The following MTDH variants were observed in gnomAD, a reference collection of about 807,000 sequenced individuals.
MTDH encodes the protein metadherin.
MTDH carries 34 observed loss-of-function variants against 72.7 expected under a neutral mutation model. That is an observed-to-expected ratio of 0.47 (90% CI 0.36 to 0.62). The LOEUF (loss-of-function observed/expected upper bound fraction) is 0.62. Ranked by LOEUF, MTDH falls within the 20% of genes least tolerant of loss-of-function variation. The probability of loss-of-function intolerance (pLI) is 0.00; values close to 1 mark genes in which losing one functional copy is unlikely to be tolerated. For synonymous variants in MTDH, 266 were observed against 268.9 expected (o/e 0.99, Z 0.10); for missense variants, 677 against 699.4 (o/e 0.97, Z 0.36).
chr8:97,701,449 A>G (rs981991171), intron 7 of MTDH, among the ~76,000 whole-genome samples: 1 of 152,232 alleles, frequency 6.6e-6, no homozygotes, highest in African/African-American at 2.4e-5. Context: ...TTCAGTACAG[A>G]CACAGTTCAT....
rs115695826 is a variant in MTDH at position 97,689,310 on chromosome 8, G to A, written c.811+207G>A. ...ACCCACTTCTAACGATCTTTGATATGTTCTAGTCTTTTTCCCCCATATATA... is the reference window on the plus strand; with the variant it reads ...ACCCACTTCTAACGATCTTTGATATATTCTAGTCTTTTTCCCCCATATATA... On this transcript the variant is annotated intron_variant, in intron 5 of 11. Coordinates refer to ENST00000336273, the MANE Select transcript of MTDH (RefSeq NM_178812.4). Among the ~76,000 whole-genome samples, 817 of 152,222 alleles carry A rather than the reference G, an allele frequency of 5.4e-3. 4 individuals carry two copies. The highest frequency in any genetic ancestry group is 0.017 in the African/African-American group (722 of 41,552).
At chr8:97,685,424 T>C (rs1048014210) in intron 2 of MTDH, among the ~76,000 whole-genome samples, 5 of 152,164 alleles carry the variant, frequency 3.3e-5, no homozygotes, top group African/African-American at 1.2e-4. Context: ...TGAGCATATA[T>C]GCAGGTTTTT....
intron 2 of MTDH, among the ~76,000 whole-genome samples, chr8:97,682,266 A>ATATATG (rs1554577972): frequency 3.5e-4 from 2 of 5,686 alleles, no homozygotes; most frequent in African/African-American, 1.7e-3. Flanking sequence ...ATATATATAT[A>ATATATG]TATATATATA....
intron 6 of MTDH, among the ~76,000 whole-genome samples, chr8:97,697,587 G>T (rs1265568456): frequency 6.6e-6 from 1 of 151,790 alleles, no homozygotes; most frequent in South Asian, 2.1e-4. Context: ...GTGTTTTACC[G>T]TGTTAGCCAG....
At chr8:97,684,895 A>G (rs1240937972) in intron 2 of MTDH, among the ~76,000 whole-genome samples, 1 of 152,142 alleles carries the variant, frequency 6.6e-6, no homozygotes, top group African/African-American at 2.4e-5. Context: ...GTGAAATCCC[A>G]TCTCTATTAA....
intron 6 of MTDH, among the ~76,000 whole-genome samples, chr8:97,694,730 C>G (rs1300391308): frequency 6.6e-6 from 1 of 151,922 alleles, no homozygotes; most frequent in African/African-American, 2.4e-5. Context: ...CAAGACCAGC[C>G]TGGGCAACAT....
intron 10 of MTDH, among the ~76,000 whole-genome samples, chr8:97,720,657 T>C (rs975411144): frequency 8.7e-4 from 130 of 149,698 alleles, no homozygotes; most frequent in Non-Finnish European, 1.5e-3. Context: ...TTTTTTTTTT[T>C]TTTTTTGAGA....
At chr8:97,649,498 A>C (rs563586056) in intron 1 of MTDH, among the ~76,000 whole-genome samples, 2 of 152,322 alleles carry the variant, frequency 1.3e-5, no homozygotes, top group South Asian at 2.1e-4. Flanking sequence ...GAGTCTCTTC[A>C]TGATCTAACC....
chr8:97,718,838 A>C lies in MTDH; in HGVS notation c.1381-211A>C, dbSNP rs557111791. ...CAGCCTCCTGAGTAACTGGGACTAC[A>C]TGTATACACCACCACATGTGACTAA... On this transcript the variant is annotated intron_variant, in intron 9 of 11. Coordinates refer to ENST00000336273, the MANE Select transcript of MTDH (RefSeq NM_178812.4). Among the ~76,000 whole-genome samples, 58 of 151,792 alleles carry C rather than the reference A, an allele frequency of 3.8e-4. 1 individual carries two copies. The South Asian group carries it at 0.012, about 31-fold the overall frequency.
intron 1 of MTDH, among the ~76,000 whole-genome samples, chr8:97,655,709 T>C (rs1811946002): frequency 6.6e-6 from 1 of 152,156 alleles, no homozygotes. Flanking sequence ...CCTAGCACTT[T>C]GGGAGGCCAA....
At chr8:97,679,859 A>G (rs193135185) in intron 2 of MTDH, among the ~76,000 whole-genome samples, 1 of 152,278 alleles carries the variant, frequency 6.6e-6, no homozygotes, top group East Asian at 1.9e-4. Flanking sequence ...GAGTTACCAT[A>G]TGTTCCATAT....
At chr8:97,652,573 G>A (rs532902213) in intron 1 of MTDH, among the ~76,000 whole-genome samples, 2 of 152,266 alleles carry the variant, frequency 1.3e-5, no homozygotes, top group South Asian at 2.1e-4. Context: ...ATTGTAAACC[G>A]GTGGCAAACT....
intron 2 of MTDH, 95 bp from the exon 3 acceptor site, chr8:97,686,568 TTTTAG>T (rs1813372515): frequency 1.7e-6 from 1 of 590,538 alleles, no homozygotes; most frequent in Non-Finnish European, 2.6e-6. Flanking sequence ...ATTAATTTTT[TTTTAG>T]TTGTCAGCAT....
At chr8:97,668,016 G>T (rs1032276617) in intron 2 of MTDH, among the ~76,000 whole-genome samples, 4 of 151,296 alleles carry the variant, frequency 2.6e-5, no homozygotes, top group Admixed American at 1.3e-4. Flanking sequence ...CGCCAGGCGC[G>T]GTGGCTCACG....
intron 6 of MTDH, among the ~76,000 whole-genome samples, chr8:97,698,983 T>A (rs1006133686): frequency 3.3e-5 from 5 of 149,406 alleles, no homozygotes; most frequent in Middle Eastern, 7.1e-3. Flanking sequence ...CTACGAAAAA[T>A]TTTTTAAAAA....
chr8:97,656,830 T>G (rs1050181429), intron 1 of MTDH, among the ~76,000 whole-genome samples: 2 of 151,560 alleles, frequency 1.3e-5, no homozygotes, highest in East Asian at 3.9e-4. Context: ...CGGAACCCGC[T>G]CTCTACTAAA....
chr8:97,679,197 A>G (rs1335072598), intron 2 of MTDH, among the ~76,000 whole-genome samples: 1 of 152,202 alleles, frequency 6.6e-6, no homozygotes, highest in Non-Finnish European at 1.5e-5. Flanking sequence ...ACCTAGGGTT[A>G]CTTTGAGAAT....
chr8:97,676,478 G>A (rs1044393907), intron 2 of MTDH, among the ~76,000 whole-genome samples: 9 of 152,124 alleles, frequency 5.9e-5, no homozygotes, highest in East Asian at 1.9e-4. Flanking sequence ...TGCTAAGGGG[G>A]CAGTTAGCCA....
chr8:97,662,281 C>T (rs1218458782), intron 2 of MTDH, among the ~76,000 whole-genome samples: 1 of 151,094 alleles, frequency 6.6e-6, no homozygotes, highest in Non-Finnish European at 1.5e-5. Flanking sequence ...AAATGATCCT[C>T]CTGCCTCGGC....
Sources: gnomAD v4.1 joint callset for allele counts (sites outside exome capture counted in the v4.1 genomes callset) on GRCh38, gnomAD v4.1.1 for gene constraint, MANE v1.5 for transcripts, NCBI Gene and HGNC (gene_info 2026-07-23, HGNC 2026-07-21) for gene names.